Variants in ZCCHC4 observed in about 807,000 individuals in gnomAD.
ZCCHC4 encodes the protein zinc finger CCHC-type containing 4.
A neutral mutation model predicts 67.7 loss-of-function variants in ZCCHC4; 54 were observed. The observed-to-expected ratio is 0.80, with a 90% CI of 0.64 to 1.00. ZCCHC4 has a LOEUF of 1.00. Ranked by LOEUF, ZCCHC4 falls within the 50% of genes least tolerant of loss-of-function variation. ZCCHC4 has a pLI of 0.00. For synonymous variants in ZCCHC4, 198 were observed against 213.5 expected (o/e 0.93, Z 0.63); for missense variants, 609 against 617.0 (o/e 0.99, Z 0.14).
Position 25,369,118 on chromosome 4 carries a change from G to C in ZCCHC4, c.1496G>C (p.Arg499Thr). The change falls in exon 13 of 13, where the codon AGG becomes ACG. Residue 499 changes from arginine (R) to threonine (T), a missense_variant. Coordinates refer to ENST00000302874, the MANE Select transcript of ZCCHC4 (RefSeq NM_024936.3). ...GQSMNHTSAT[R>T]RKKRRERAHQ... ...TCCATGAATCATACATCTGCTACAAGGAGAAAGAAAAGGAGGGAAAGAGCC... is the reference window on the plus strand; with the variant it reads ...TCCATGAATCATACATCTGCTACAACGAGAAAGAAAAGGAGGGAAAGAGCC... The C allele has an allele frequency of 1.2e-6, 2 of 1,613,968 alleles. No homozygotes were observed. Among genetic ancestry groups the C allele is most frequent in the Non-Finnish European group, 8.5e-7 (1 of 1,179,980 alleles).
chr4:25,352,926 C>T (rs1481714209), intron 8 of ZCCHC4, among the ~76,000 whole-genome samples: 1 of 152,192 alleles, frequency 6.6e-6, no homozygotes, highest in African/African-American at 2.4e-5. Context: ...GAGTAAAAGA[C>T]TCTACTTGTG....
chr4:25,314,169 A>T lies in ZCCHC4; in HGVS notation c.246+5A>T. 1.9e-6 allele frequency: 3 copies of T among 1,556,842 alleles called. No homozygotes were observed. Among genetic ancestry groups the T allele is most frequent in the Non-Finnish European group, 2.6e-6 (3 of 1,144,372 alleles). ...TTTCAGTGGGAAGATGAAAAGGTATATCAACTTTTTGGATATTTATTTTTT... is the reference window on the plus strand; with the variant it reads ...TTTCAGTGGGAAGATGAAAAGGTATTTCAACTTTTTGGATATTTATTTTTT... On this transcript the variant is annotated splice_donor_5th_base_variant and intron_variant, in intron 2 of 12. Coordinates refer to ENST00000302874, the MANE Select transcript of ZCCHC4 (RefSeq NM_024936.3).
intron 6 of ZCCHC4, among the ~76,000 whole-genome samples, chr4:25,348,753 G>GGAC (rs1366358281): frequency 6.6e-6 from 1 of 152,012 alleles, no homozygotes; most frequent in Non-Finnish European, 1.5e-5. Flanking sequence ...GATACTGAGG[G>GGAC]GACTGTACTT....
intron 6 of ZCCHC4, among the ~76,000 whole-genome samples, chr4:25,348,009 A>G (rs1720107266): frequency 6.6e-6 from 1 of 152,184 alleles, no homozygotes; most frequent in South Asian, 2.1e-4. Context: ...GGAAAAAAAA[A>G]TCCTTTAAAA....
At position 25,364,610 on chromosome 4, in the gene ZCCHC4, GT is replaced by G. The variant is rs1720872743; in HGVS notation, c.1261+106del. 3 of 983,100 alleles carry G rather than the reference GT, an allele frequency of 3.1e-6. No homozygotes were observed. In the Admixed American group the frequency reaches 7.9e-5, roughly 26 times the overall value. The allele number at this position is 983,100 out of a possible 1,614,324, so 60.9% of individuals were successfully genotyped here. A position where few individuals can be genotyped will look rare whatever the true frequency, so the allele number is the denominator to read the frequency against. On this transcript the variant is annotated intron_variant, in intron 11 of 12. Coordinates refer to ENST00000302874, the MANE Select transcript of ZCCHC4 (RefSeq NM_024936.3). ...ATTTATAAACGAAAAAATAATCAGTGTAGAGACTTGTAATTTATTTGCTTTT... is the reference window on the plus strand; with the variant it reads ...ATTTATAAACGAAAAAATAATCAGTGAGAGACTTGTAATTTATTTGCTTTT...
intron 3 of ZCCHC4, among the ~76,000 whole-genome samples, chr4:25,316,333 GTA>G (rs1718263309): frequency 6.6e-6 from 1 of 152,122 alleles, no homozygotes; most frequent in South Asian, 2.1e-4. Flanking sequence ...ATTCTTTTGG[GTA>G]TATACCTAGA....
At chr4:25,356,281 G>A (rs188661592) in intron 8 of ZCCHC4, among the ~76,000 whole-genome samples, 24 of 152,318 alleles carry the variant, frequency 1.6e-4, no homozygotes, top group Admixed American at 1.4e-3. Flanking sequence ...TACTACTAGT[G>A]ATAGGCAATT....
Position 25,365,176 on chromosome 4 carries a change from ATACTT to A in ZCCHC4, c.1406+15_1406+19del. On this transcript the variant is annotated intron_variant, in intron 12 of 12. Transcript: ENST00000302874. ...CTAAGAGAGCTAACAAGTCAGTCGA[ATACTT>A]TACTAGAAAAATGTATTCCATCTGT... 2 of 1,613,446 alleles carry A rather than the reference ATACTT, an allele frequency of 1.2e-6. No homozygotes were observed. The highest frequency in any genetic ancestry group is 1.7e-6 in the Non-Finnish European group (2 of 1,179,642).
chr4:25,320,286 G>A (rs574202627), intron 3 of ZCCHC4, among the ~76,000 whole-genome samples: 1 of 152,198 alleles, frequency 6.6e-6, no homozygotes, highest in Non-Finnish European at 1.5e-5. Context: ...AAGACTTAGG[G>A]AAGATATTTA....
chr4:25,314,037 TGGAACTAGGACCCAC>T lies in ZCCHC4; in HGVS notation c.128-8_134del. 6.9e-7 allele frequency: 1 copy of T among 1,443,490 alleles called. No homozygotes were observed. 89.4% of individuals were successfully genotyped at this position (1,443,490 alleles called of 1,614,324 possible). A position where few individuals can be genotyped will look rare whatever the true frequency, so the allele number is the denominator to read the frequency against. ...ACACTTTTTTTTTTTTTTTCTATTC[TGGAACTAGGACCCAC>T]TCTTCTGTTTGTAAAGGTGACCCAA... On this transcript the variant is annotated splice_acceptor_variant and splice_polypyrimidine_tract_variant and coding_sequence_variant and intron_variant, in exon 2 of 13. Transcript: ENST00000302874. LOFTEE classifies it high-confidence loss of function.
Position 25,351,696 on chromosome 4 carries a change from T to C in ZCCHC4, c.1011+7T>C. 6.3e-7 allele frequency: 1 copy of C among 1,592,676 alleles called. No homozygotes were observed. The highest frequency in any genetic ancestry group is 8.6e-7 in the Non-Finnish European group (1 of 1,166,554). On this transcript the variant is annotated splice_region_variant and intron_variant, in intron 8 of 12. Transcript: ENST00000302874. ...CCAGATGCTGGATTACCAGGTAGAG[T>C]ACATATTCTGTTTTCTGGCATGGTT...
chr4:25,345,678 G>A, intron 6 of ZCCHC4, 58 bp downstream of exon 6: 1 of 1,153,268 alleles, frequency 8.7e-7, no homozygotes, highest in Non-Finnish European at 1.3e-6. Flanking sequence ...AGATTTCAGA[G>A]TGCCTCCTTT....
In ZCCHC4 at chr4:25,313,829, C is replaced by T. The variant is rs557850099; in HGVS notation, c.128-217C>T. On this transcript the variant is annotated intron_variant, in intron 1 of 12. Transcript: ENST00000302874. ...TCAGTGAGCCATGATTGTGCCAGTG[C>T]GCTTCAGCCTGGGCGACAGAGGGAG... Among the ~76,000 whole-genome samples, 12 of 152,260 alleles carry T rather than the reference C, an allele frequency of 7.9e-5. No homozygotes were observed. In the East Asian group the frequency reaches 2.3e-3, roughly 29 times the overall value.
At chr4:25,346,669 G>C (rs1415383603) in intron 6 of ZCCHC4, among the ~76,000 whole-genome samples, 1 of 152,236 alleles carries the variant, frequency 6.6e-6, no homozygotes, top group African/African-American at 2.4e-5. Flanking sequence ...TTAGCATTGG[G>C]ATATATATTA....
intron 3 of ZCCHC4, among the ~76,000 whole-genome samples, chr4:25,331,283 C>G (rs973432111): frequency 3.9e-5 from 6 of 152,198 alleles, no homozygotes; most frequent in African/African-American, 1.4e-4. Context: ...GTTACTCCAT[C>G]ATAGCTGTCT....
At chr4:25,347,677 T>C (rs1720088279) in intron 6 of ZCCHC4, among the ~76,000 whole-genome samples, 1 of 152,198 alleles carries the variant, frequency 6.6e-6, no homozygotes, top group African/African-American at 2.4e-5. Context: ...TCCAGGGTGC[T>C]TAGGAGAATA....
At chr4:25,344,167 T>C (rs569418895) in intron 5 of ZCCHC4, among the ~76,000 whole-genome samples, 1 of 152,238 alleles carries the variant, frequency 6.6e-6, no homozygotes, top group Admixed American at 6.5e-5. Context: ...TAATGTGATA[T>C]GAGTTTTTCC....
intron 3 of ZCCHC4, among the ~76,000 whole-genome samples, chr4:25,330,951 C>T (rs576615167): frequency 2.0e-5 from 3 of 152,104 alleles, no homozygotes; most frequent in Admixed American, 6.6e-5. Flanking sequence ...AGCGTTTTTT[C>T]TCTCTCTCTC....
At chr4:25,337,279 T>C (rs971858111) in intron 5 of ZCCHC4, among the ~76,000 whole-genome samples, 1 of 152,234 alleles carries the variant, frequency 6.6e-6, no homozygotes, top group African/African-American at 2.4e-5. Flanking sequence ...TTTAGTCTAG[T>C]TGAGATAGTG....
Sources: gnomAD v4.1 joint callset for allele counts (sites outside exome capture counted in the v4.1 genomes callset) on GRCh38, gnomAD v4.1.1 for gene constraint, MANE v1.5 for transcripts, NCBI Gene and HGNC (gene_info 2026-07-23, HGNC 2026-07-21) for gene names.